ACTR3C: variants seen among roughly 807,000 people sequenced by gnomAD.
ACTR3C encodes actin-related protein 3C.
Under a neutral mutation model 26.3 loss-of-function variants are expected in ACTR3C, and 18 were observed. The ratio of observed to expected loss-of-function variants is 0.68; its 90% CI spans 0.47 to 1.01. ACTR3C has a LOEUF of 1.01. Among genes scored for constraint, ACTR3C ranks in the 50% least tolerant of loss-of-function variants. The probability of loss-of-function intolerance (pLI) is 0.00; values close to 1 mark genes in which losing one functional copy is unlikely to be tolerated. For synonymous variants in ACTR3C, 55 were observed against 94.5 expected, an observed-to-expected ratio of 0.58 and a Z score of 2.42; for missense variants, 184 against 250.7, an observed-to-expected ratio of 0.73 and a Z score of 1.80.
chr7:150,223,197 C>T, the ACTR3C span, among the ~76,000 whole-genome samples: 1 of 152,154 alleles, frequency 6.6e-6, no homozygotes, highest in Non-Finnish European at 1.5e-5. Context: ...TATGAACTCC[C>T]TCACTGAATG....
At chr7:150,016,840 T>C in the ACTR3C span, among the ~76,000 whole-genome samples, 1 of 152,136 alleles carries the variant, frequency 6.6e-6, no homozygotes, top group Non-Finnish European at 1.5e-5. Flanking sequence ...CTGTAATTTG[T>C]GCAATAACAT....
chr7:150,199,091 C>CCCA, the ACTR3C span, among the ~76,000 whole-genome samples: 20 of 149,856 alleles, frequency 1.3e-4, 1 homozygote, highest in African/African-American at 3.8e-4. Context: ...GGCCGCCCCC[C>CCCA]CGTCTGGGAG....
At chr7:150,138,262 G>C in the ACTR3C span, among the ~76,000 whole-genome samples, 13 of 152,294 alleles carry the variant, frequency 8.5e-5, no homozygotes, top group African/African-American at 2.9e-4. Context: ...TCAGGCAGAG[G>C]AAGAGAAGCA....
the ACTR3C span, among the ~76,000 whole-genome samples, chr7:150,168,111 T>C: frequency 6.6e-6 from 1 of 150,750 alleles, no homozygotes; most frequent in East Asian, 1.9e-4. Flanking sequence ...ATCAGTCTGT[T>C]TCATGCCCTA....
the ACTR3C span, among the ~76,000 whole-genome samples, chr7:150,133,672 C>T: frequency 6.6e-6 from 1 of 152,154 alleles, no homozygotes; most frequent in African/African-American, 2.4e-5. Context: ...CATTTCCCCT[C>T]ACCTTTGACT....
rs1471706721 is a variant in ACTR3C at position 150,293,395 on chromosome 7, A to G, written c.70T>C (p.Trp24Arg). The change falls in exon 3 of 8, where the codon TGG (tryptophan) becomes CGG (arginine). Residue 24 changes from tryptophan (W) to arginine (R), a missense_variant. Coordinates refer to ENST00000683684, the MANE Select transcript of ACTR3C (RefSeq NM_001164458.2). ...VQAVLALAAS[W>R]TSRQVGERTL... ...CGTTCACCCACTTGTCGAGATGTCCAAGATGCCGCCAAGGCCAGCACTGCC... is the reference window on the plus strand; with the variant it reads ...CGTTCACCCACTTGTCGAGATGTCCGAGATGCCGCCAAGGCCAGCACTGCC... 3.1e-6 allele frequency: 5 copies of G among 1,602,870 alleles called. No individual in the cohort carries two copies. The highest frequency in any genetic ancestry group is 4.3e-6 in the Non-Finnish European group (5 of 1,173,728).
At chr7:150,148,191 A>T in the ACTR3C span, among the ~76,000 whole-genome samples, 1 of 151,920 alleles carries the variant, frequency 6.6e-6, no homozygotes, top group Non-Finnish European at 1.5e-5. Flanking sequence ...GGGAAAAAAA[A>T]AAAAAGGCCA....
chr7:149,908,493 T>A, the ACTR3C span, among the ~76,000 whole-genome samples: 32 of 152,318 alleles, frequency 2.1e-4, 1 homozygote, highest in East Asian at 3.5e-3. Flanking sequence ...TTTCTAGTGA[T>A]GTGAATACCC....
At chr7:150,199,720 T>A in the ACTR3C span, among the ~76,000 whole-genome samples, 1 of 112,828 alleles carries the variant, frequency 8.9e-6, no homozygotes, top group African/African-American at 3.4e-5. Flanking sequence ...ATACAATATT[T>A]TTATCAAAAA....
chr7:150,113,794 C>T, the ACTR3C span, among the ~76,000 whole-genome samples: 1 of 152,160 alleles, frequency 6.6e-6, no homozygotes, highest in Non-Finnish European at 1.5e-5. Flanking sequence ...TGAAACAATT[C>T]AAACCAAACC....
chr7:150,255,847 A>T (rs925161925), intron 6 of ACTR3C, among the ~76,000 whole-genome samples: 1 of 152,230 alleles, frequency 6.6e-6, no homozygotes, highest in African/African-American at 2.4e-5. Context: ...TAAAGCTTGT[A>T]TATCTTGGGC....
chr7:149,978,188 T>C, the ACTR3C span, among the ~76,000 whole-genome samples: 7 of 152,262 alleles, frequency 4.6e-5, no homozygotes, highest in African/African-American at 1.4e-4. Flanking sequence ...TTGGTTTGTA[T>C]GAGCAGTGGC....
the ACTR3C span, among the ~76,000 whole-genome samples, chr7:150,204,657 G>A: frequency 0.012 from 1,802 of 152,318 alleles, 32 homozygotes; most frequent in African/African-American, 0.041. Flanking sequence ...CCCAACCTTG[G>A]AGAAGTGAGA....
chr7:149,921,424 TC>T, the ACTR3C span, among the ~76,000 whole-genome samples: 5 of 152,182 alleles, frequency 3.3e-5, no homozygotes, highest in Non-Finnish European at 5.9e-5. Flanking sequence ...TGCTTTTAAT[TC>T]CTGAAATGAT....
the ACTR3C span, among the ~76,000 whole-genome samples, chr7:150,035,150 G>A: frequency 3.6e-5 from 5 of 140,470 alleles, 1 homozygote; most frequent in Admixed American, 1.4e-4. Context: ...ATCAACGATG[G>A]GGGTCCTAAG....
chr7:150,174,765 G>T, the ACTR3C span, among the ~76,000 whole-genome samples: 2 of 147,726 alleles, frequency 1.4e-5, no homozygotes, highest in African/African-American at 2.7e-5. Context: ...GAAAACTACA[G>T]GCCCAAATGG....
the ACTR3C span, among the ~76,000 whole-genome samples, chr7:150,174,234 G>T: frequency 1.4e-5 from 2 of 139,478 alleles, 1 homozygote; most frequent in African/African-American, 6.5e-5. Context: ...TGGACTTATT[G>T]TTTCACATGG....
chr7:150,086,047 G>A, the ACTR3C span, among the ~76,000 whole-genome samples: 1 of 151,736 alleles, frequency 6.6e-6, no homozygotes, highest in Non-Finnish European at 1.5e-5. Context: ...CAAAATCTCG[G>A]CTCACTACAA....
the ACTR3C span, among the ~76,000 whole-genome samples, chr7:150,020,782 A>G: frequency 6.6e-6 from 1 of 151,734 alleles, no homozygotes; most frequent in Non-Finnish European, 1.5e-5. Flanking sequence ...CTTTTCCTAT[A>G]TTTTTTATAT....
Sources: allele counts gnomAD v4.1 joint callset (sites outside exome capture counted in the v4.1 genomes callset), GRCh38; gene constraint gnomAD v4.1.1; transcripts MANE v1.5; gene names NCBI Gene and HGNC (gene_info 2026-07-23, HGNC 2026-07-21).